Variants in DKC1 observed in about 807,000 individuals in gnomAD.
The protein encoded by DKC1 is dyskerin pseudouridine synthase 1, also known as H/ACA ribonucleoprotein complex subunit DKC1.
DKC1 carries 4 observed loss-of-function variants against 46.7 expected under a neutral mutation model. The observed-to-expected ratio is 0.09, with a 90% CI of 0.04 to 0.20. The LOEUF is 0.20. DKC1 is among the 10% of genes least tolerant of loss of function. The probability of loss-of-function intolerance (pLI) is 1.00; values close to 1 mark genes in which losing one functional copy is unlikely to be tolerated. For synonymous variants in DKC1, 141 were observed against 142.4 expected, an observed-to-expected ratio of 0.99 and a Z score of 0.07; for missense variants, 171 against 404.2, an observed-to-expected ratio of 0.42 and a Z score of 4.95.
intron 10 of DKC1, among the ~76,000 whole-genome samples, chrX:154,771,198 T>G (rs782233916): frequency 3.0e-4 from 30 of 100,169 alleles, no homozygotes; most frequent in African/African-American, 1.0e-3. Flanking sequence ...TTTTTTTTTT[T>G]TTTTTTTTTT....
intron 2 of DKC1, 45 bp from the exon 3 acceptor site, chrX:154,765,399 A>C: frequency 1.9e-6 from 2 of 1,054,764 alleles, no homozygotes; most frequent in Non-Finnish European, 2.7e-6. Flanking sequence ...AATTGTTCAA[A>C]ATCGGGTGGG....
chrX:154,766,492 TAAG>T, intron 5 of DKC1, 92 bp downstream of exon 5: 8 of 868,379 alleles, frequency 9.2e-6, no homozygotes, highest in Non-Finnish European at 1.1e-5. Context: ...ATTTCTTCAT[TAAG>T]AAAAAAAAAA....
rs782504051 is a variant in DKC1, at chrX:154,767,016, T to A, written c.468T>A (p.Ile156=). 1.7e-5 allele frequency: 21 copies of A among 1,211,788 alleles called. No individual in the cohort carries two copies. In the East Asian group the frequency reaches 6.2e-4, roughly 36 times the overall value. The change falls in exon 6 of 15, where the codon ATT becomes ATA. Residue 156 remains isoleucine, a synonymous_variant. Coordinates refer to ENST00000369550, the MANE Select transcript of DKC1 (RefSeq NM_001363.5). ...QQSAGKEYVG[I]VRLHNAIEGG... is the part of the protein sequence containing the mutation. ...TTTCAGGCAAAGAGTATGTGGGGATTGTCCGGCTGCACAATGCTATTGAAG... is the reference window on the plus strand; with the variant it reads ...TTTCAGGCAAAGAGTATGTGGGGATAGTCCGGCTGCACAATGCTATTGAAG...
At chrX:154,768,280 CT>C in intron 7 of DKC1, 21 bp from the exon 8 acceptor site, 1 of 1,210,927 alleles carries the variant, frequency 8.3e-7, no homozygotes. Context: ...TGCTGCTTTT[CT>C]TTTGTGTGTG....
At chrX:154,770,595 G>T (rs1557264805) in intron 9 of DKC1, among the ~76,000 whole-genome samples, 164 bp from the exon 10 acceptor site, 2 of 109,456 alleles carry the variant, frequency 1.8e-5, no homozygotes, top group African/African-American at 6.9e-5. Flanking sequence ...CAGTGAGGTG[G>T]CTCTTCTGAG....
At chrX:154,771,594 A>G (rs781915781) in intron 10 of DKC1, among the ~76,000 whole-genome samples, 9 of 109,069 alleles carry the variant, frequency 8.3e-5, no homozygotes, top group Admixed American at 5.9e-4. Flanking sequence ...CATGAGTTCA[A>G]TTGTTTCGAT....
intron 8 of DKC1, 106 bp from the exon 9 acceptor site, chrX:154,769,061 T>G: frequency 3.8e-4 from 264 of 687,753 alleles, no homozygotes; most frequent in East Asian, 6.9e-4. Context: ...GAAGACATAA[T>G]GAGCTTGGAC....
chrX:154,764,991 A>C (rs782678759), intron 2 of DKC1, 25 bp downstream of exon 2: 1 of 1,131,627 alleles, frequency 8.8e-7, no homozygotes, highest in Non-Finnish European at 1.2e-6. Flanking sequence ...GTTTGACTTC[A>C]CTTTGACTAA....
rs1208221145 is a variant in DKC1, at chrX:154,765,593, CAATT to C, written c.171+64_171+67del. ...TTTTACGTTATTTCCAAGTGTTAAACAATTGATTGAGAATGCTTACTGCTGGCAT... is the reference window on the plus strand; with the variant it reads ...TTTTACGTTATTTCCAAGTGTTAAACGATTGAGAATGCTTACTGCTGGCAT... On this transcript the variant is annotated intron_variant, in intron 3 of 14. Coordinates refer to ENST00000369550, the MANE Select transcript of DKC1 (RefSeq NM_001363.5). The C allele has an allele frequency of 5.4e-5, 48 of 894,229 alleles. No individual in the cohort carries two copies. The East Asian group carries it at 7.7e-4, about 14-fold the overall frequency. The allele number at this position is 894,229 out of a possible 1,213,427, so 73.7% of individuals were successfully genotyped here.
intron 2 of DKC1, 139 bp from the exon 3 acceptor site, chrX:154,765,305 C>G: frequency 1.7e-6 from 1 of 587,993 alleles, no homozygotes; most frequent in Admixed American, 2.2e-5. Flanking sequence ...TTTCTTCTCT[C>G]TCTTTCCCTT....
Position 154,769,108 on chromosome X carries a change from G to A in DKC1, c.772-59G>A, listed in dbSNP as rs2071789648. ...TGACATTCAGTTTTAGGAAGTTTGG[G>A]GTCTGATGGGCTGAGATACAAATAA... On this transcript the variant is annotated intron_variant, in intron 8 of 14. Transcript: ENST00000369550. 5.1e-6 allele frequency: 6 copies of A among 1,165,492 alleles called. No individual in the cohort carries two copies. In the African/African-American group the frequency reaches 1.1e-4, roughly 20 times the overall value.
Position 154,777,247 on chromosome X carries a change from T to G in DKC1, c.*380T>G, listed in dbSNP as rs191271657. 2 of 176,603 alleles carry G rather than the reference T, an allele frequency of 1.1e-5. No homozygotes were observed. The highest frequency in any genetic ancestry group is 2.1e-5 in the Non-Finnish European group (2 of 94,424). The allele number at this position is 176,603 out of a possible 1,213,427, so 14.6% of individuals were successfully genotyped here. On this transcript the variant is annotated 3_prime_UTR_variant, in exon 15 of 15. Coordinates refer to ENST00000369550, the MANE Select transcript of DKC1 (RefSeq NM_001363.5). ...GGTTTGTAAAACAAAAACAAAAAAC[T>G]AAGTCTGCTCAGTGAAATGCTGTAG...
intron 10 of DKC1, among the ~76,000 whole-genome samples, chrX:154,772,009 C>T (rs2071832421): frequency 8.9e-6 from 1 of 112,422 alleles, no homozygotes; most frequent in Non-Finnish European, 1.9e-5. Context: ...CACATCCTTG[C>T]CAGCACTTGT....
chrX:154,771,328 T>A (rs1181919030), intron 10 of DKC1, among the ~76,000 whole-genome samples: 1 of 108,064 alleles, frequency 9.3e-6, no homozygotes, highest in Non-Finnish European at 1.9e-5. Context: ...GTAGCTAGGA[T>A]TACAGGTGCA....
At chrX:154,768,066 G>T in intron 7 of DKC1, 1 of 382,079 alleles carries the variant, frequency 2.6e-6, no homozygotes, top group East Asian at 4.9e-5. Flanking sequence ...TAGCCAGGAT[G>T]GTCTTGATCT....
intron 12 of DKC1, 113 bp from the exon 13 acceptor site, chrX:154,775,082 C>G: frequency 1.4e-6 from 1 of 731,719 alleles, no homozygotes; most frequent in South Asian, 2.1e-5. Context: ...GTTCTTCTGT[C>G]CAGCGTCAGT....
chrX:154,765,068 C>A, intron 2 of DKC1, 102 bp downstream of exon 2: 1 of 704,735 alleles, frequency 1.4e-6, no homozygotes, highest in Non-Finnish European at 2.3e-6. Context: ...AAGGAATGGG[C>A]CAGCATTGGT....
At chrX:154,765,598 G>A in intron 3 of DKC1, 68 bp downstream of exon 3, 2 of 848,584 alleles carry the variant, frequency 2.4e-6, no homozygotes, top group Non-Finnish European at 3.5e-6. Context: ...TTAAACAATT[G>A]ATTGAGAATG....
rs781802524 is a variant in DKC1 at position 154,775,286 on chromosome X, C to T, written c.1338+13C>T. On this transcript the variant is annotated intron_variant, in intron 13 of 14. Coordinates refer to ENST00000369550, the MANE Select transcript of DKC1 (RefSeq NM_001363.5). ...AAAAACTGCGAAGGTGAGTGGCATG[C>T]TGTCCTCAGTTTGGAATGTGCTTAG... is the stretch of plus-strand genomic sequence containing the variant. 9 of 1,203,852 alleles carry T rather than the reference C, an allele frequency of 7.5e-6. No individual in the cohort carries two copies. Among genetic ancestry groups the T allele is most frequent in the Non-Finnish European group, 9.0e-6 (8 of 888,814 alleles).
Sources: allele counts gnomAD v4.1 joint callset (sites outside exome capture counted in the v4.1 genomes callset), GRCh38; gene constraint gnomAD v4.1.1; transcripts MANE v1.5; gene names NCBI Gene and HGNC (gene_info 2026-07-23, HGNC 2026-07-21).